UGGT2: variants seen among roughly 807,000 people sequenced by gnomAD.
UGGT2 encodes UDP-glucose:glycoprotein glucosyltransferase 2.
Under a neutral mutation model 192.1 loss-of-function variants are expected in UGGT2, and 180 were observed. The ratio of observed to expected loss-of-function variants is 0.94; its 90% CI spans 0.83 to 1.06. UGGT2 has a LOEUF of 1.06. UGGT2 is among the 50% of genes least tolerant of loss of function. The pLI is 0.00. For missense variants in UGGT2, 1,849 were observed against 1,795.7 expected (o/e 1.03, Z -0.54); for synonymous variants, 580 against 591.0 (o/e 0.98, Z 0.27).
At chr13:96,036,385 C>A (rs1416506221) in intron 1 of UGGT2, among the ~76,000 whole-genome samples, 2 of 152,208 alleles carry the variant, frequency 1.3e-5, no homozygotes, top group Middle Eastern at 3.4e-3. Flanking sequence ...GGTAACGACA[C>A]ACACTGGACT....
At chr13:95,919,928 G>A (rs2048795267) in intron 20 of UGGT2, among the ~76,000 whole-genome samples, 1 of 152,126 alleles carries the variant, frequency 6.6e-6, no homozygotes, top group Non-Finnish European at 1.5e-5. Context: ...CAAAGCTGGA[G>A]GTATCATGCT....
intron 5 of UGGT2, among the ~76,000 whole-genome samples, chr13:96,001,705 A>G: frequency 6.6e-6 from 1 of 152,216 alleles, no homozygotes; most frequent in South Asian, 2.1e-4. Context: ...AGATTTTCTT[A>G]TAAATTTTTA....
At chr13:96,051,823 AAAT>A (rs1288906025) in intron 1 of UGGT2, among the ~76,000 whole-genome samples, 9 of 152,206 alleles carry the variant, frequency 5.9e-5, no homozygotes, top group Non-Finnish European at 1.3e-4. Flanking sequence ...AAATAAAAAT[AAAT>A]AATAGATGTT....
At chr13:95,856,550 T>C (rs1004807811) in intron 33 of UGGT2, 3 of 520,468 alleles carry the variant, frequency 5.8e-6, no homozygotes, top group South Asian at 5.0e-5. Flanking sequence ...TAAAACTATA[T>C]AATTTAACGT....
chr13:96,053,220 C>A lies in UGGT2; in HGVS notation c.93G>T (p.Ala31=). The change falls in exon 1 of 39, where the codon GCG becomes GCT. Residue 31 remains alanine, a synonymous_variant. Transcript: ENST00000376747. ...CCAAGTGGGCAGTCACCGACTTGGA[C>A]GCGGCGACCGTCCCGGAGCCGAGCT... is the stretch of plus-strand genomic sequence containing the variant. ...LSQLGSGTVA[A]SKSVTAHLAA... is the part of the protein sequence containing the mutation. 6.5e-7 allele frequency: 1 copy of A among 1,538,086 alleles called. No homozygotes were observed.
chr13:96,021,607 AAAGC>A (rs1242491483), intron 4 of UGGT2, among the ~76,000 whole-genome samples: 1 of 152,220 alleles, frequency 6.6e-6, no homozygotes, highest in Non-Finnish European at 1.5e-5. Context: ...AAACAAAATG[AAAGC>A]AATCTTAATT....
chr13:95,807,716 C>CTTTTTTTTTTTTTTT, intron 38 of UGGT2, among the ~76,000 whole-genome samples: 2,554 of 78,390 alleles, frequency 0.033, 425 homozygotes, highest in African/African-American at 0.045. Flanking sequence ...CAGCCCTCAC[C>CTTTTTTTTTTTTTTT]TTTTTTTTTT....
chr13:96,023,203 G>T, intron 3 of UGGT2, 51 bp from the exon 4 acceptor site: 1 of 1,449,680 alleles, frequency 6.9e-7, no homozygotes, highest in South Asian at 1.5e-5. Flanking sequence ...ATTACAATAT[G>T]ATTTTAAAAC....
chr13:95,965,015 G>A (rs1174855270), intron 12 of UGGT2, among the ~76,000 whole-genome samples: 1 of 151,460 alleles, frequency 6.6e-6, no homozygotes, highest in Non-Finnish European at 1.5e-5. Flanking sequence ...GGCCATCAGA[G>A]AAATGCAAAT....
chr13:95,992,966 C>G (rs576950238), intron 7 of UGGT2, among the ~76,000 whole-genome samples: 1 of 152,306 alleles, frequency 6.6e-6, no homozygotes, highest in Non-Finnish European at 1.5e-5. Flanking sequence ...GACATATGCA[C>G]TCATATGTTC....
chr13:95,815,065 G>C (rs1021495266), intron 38 of UGGT2, among the ~76,000 whole-genome samples: 1 of 152,058 alleles, frequency 6.6e-6, no homozygotes, highest in Non-Finnish European at 1.5e-5. Flanking sequence ...GGAATAAAAG[G>C]AAACTTTTAC....
chr13:95,832,978 C>T lies in UGGT2; in HGVS notation c.4477G>A (p.Ala1493Thr), dbSNP rs1173333361. ...RIVPEWVEYDAEIRQLLDHLE... is the reference protein window; with the variant it reads ...RIVPEWVEYDTEIRQLLDHLE... ...TGATCTAATAGTTGTCTTATCTCAG[C>T]ATCATACTCCACCCATTCTGGGACA... Residue 1493 changes from alanine (A) to threonine (T), a missense_variant, in exon 38 of 39, where the codon GCT becomes ACT. Ala to Thr is a moderately conservative substitution (Grantham distance 58, BLOSUM62 0). Coordinates refer to ENST00000376747, the MANE Select transcript of UGGT2 (RefSeq NM_020121.4). 45 of 1,612,998 alleles carry T rather than the reference C, an allele frequency of 2.8e-5. No homozygotes were observed. Among genetic ancestry groups the T allele is most frequent in the Non-Finnish European group, 3.6e-5 (43 of 1,179,262 alleles).
At chr13:95,951,100 T>C (rs1594419154) in intron 12 of UGGT2, among the ~76,000 whole-genome samples, 1 of 152,076 alleles carries the variant, frequency 6.6e-6, no homozygotes, top group Non-Finnish European at 1.5e-5. Flanking sequence ...AGAGAAAAGG[T>C]GACAGAATTA....
In UGGT2 at chr13:95,867,382, A is replaced by G. The variant is rs774849362; in HGVS notation, c.3515T>C (p.Ile1172Thr). The G allele has an allele frequency of 2.5e-6, 4 of 1,609,488 alleles. No individual in the cohort carries two copies. In the African/African-American group the frequency reaches 4.0e-5, roughly 16 times the overall value. Reference protein sequence around the residue: ...TDSQADLEDIIVVLNSFKSKI... With the variant: ...TDSQADLEDITVVLNSFKSKI... Reference sequence around the variant, plus strand: ...GCTTTTGAAGCTGTTTAATACAACAATGATATCTTCTAGGTCTGCTTGAGA... The same window carrying G: ...GCTTTTGAAGCTGTTTAATACAACAGTGATATCTTCTAGGTCTGCTTGAGA... Residue 1172 changes from isoleucine (I) to threonine (T), a missense_variant, in exon 30 of 39, where the codon ATT becomes ACT. By Grantham distance (89) the Ile-to-Thr change is moderately conservative. Transcript: ENST00000376747.
At chr13:95,963,428 A>C (rs1410010932) in intron 12 of UGGT2, among the ~76,000 whole-genome samples, 1 of 152,210 alleles carries the variant, frequency 6.6e-6, no homozygotes, top group Non-Finnish European at 1.5e-5. Flanking sequence ...AGAAATGACA[A>C]ACACACAGCT....
intron 36 of UGGT2, among the ~76,000 whole-genome samples, chr13:95,851,348 G>T (rs1411823673): frequency 6.6e-6 from 1 of 152,194 alleles, no homozygotes; most frequent in Non-Finnish European, 1.5e-5. Flanking sequence ...ACAGAGATAA[G>T]ATTTGGGAAC....
intron 17 of UGGT2, among the ~76,000 whole-genome samples, chr13:95,931,807 C>T (rs898523741): frequency 1.3e-5 from 2 of 152,118 alleles, no homozygotes; most frequent in Non-Finnish European, 1.5e-5. Flanking sequence ...CTGGTTCCCG[C>T]CCGCGCCTCT....
chr13:95,876,420 T>C (rs979639456), intron 29 of UGGT2, among the ~76,000 whole-genome samples: 1 of 152,148 alleles, frequency 6.6e-6, no homozygotes, highest in Admixed American at 6.5e-5. Context: ...GGCCTGGTGG[T>C]TGGACAGGCT....
intron 38 of UGGT2, 75 bp downstream of exon 38, chr13:95,832,852 A>C (rs1020923035): frequency 6.4e-7 from 1 of 1,559,166 alleles, no homozygotes. Flanking sequence ...ATTCACTAAG[A>C]AATGAGTCTG....
Sources: gnomAD v4.1 joint callset for allele counts (sites outside exome capture counted in the v4.1 genomes callset) on GRCh38, gnomAD v4.1.1 for gene constraint, MANE v1.5 for transcripts, NCBI Gene and HGNC (gene_info 2026-07-23, HGNC 2026-07-21) for gene names.